TACC1: variants seen among roughly 807,000 people sequenced by gnomAD.
The protein encoded by TACC1 is transforming acidic coiled-coil-containing protein 1.
A neutral mutation model predicts 84.4 loss-of-function variants in TACC1; 48 were observed. The observed-to-expected ratio is 0.57, with a 90% CI of 0.45 to 0.72. The LOEUF (loss-of-function observed/expected upper bound fraction) is 0.72, where lower values mean the gene tolerates loss of function less well. TACC1 is among the 30% of genes least tolerant of loss of function. The pLI is 0.00. For missense variants in TACC1, 920 were observed against 973.0 expected (o/e 0.95, Z 0.72); for synonymous variants, 372 against 376.3 (o/e 0.99, Z 0.13).
intron 2 of TACC1, among the ~76,000 whole-genome samples, chr8:38,805,843 A>T (rs1365290819): frequency 1.3e-5 from 2 of 152,194 alleles, no homozygotes; most frequent in Non-Finnish European, 2.9e-5. Context: ...CTTACAGTCA[A>T]TTGCTTTTAT....
intron 11 of TACC1, among the ~76,000 whole-genome samples, chr8:38,845,679 T>G (rs115194300): frequency 0.01 from 1,543 of 152,350 alleles, 22 homozygotes; most frequent in African/African-American, 0.035. Context: ...CTCACTGTTA[T>G]GCCAGGTGGG....
intron 1 of TACC1, among the ~76,000 whole-genome samples, chr8:38,733,763 C>T (rs1436475118): frequency 1.3e-5 from 2 of 152,096 alleles, no homozygotes; most frequent in Admixed American, 1.3e-4. Context: ...GCTCCCCTTC[C>T]TTCCTCACCT....
chr8:38,792,619 C>T (rs1279912129), intron 2 of TACC1, among the ~76,000 whole-genome samples: 1 of 152,216 alleles, frequency 6.6e-6, no homozygotes, highest in Non-Finnish European at 1.5e-5. Context: ...GCGCCCACCA[C>T]TACGCCCAGC....
chr8:38,813,844 G>A (rs1015370681), intron 2 of TACC1, among the ~76,000 whole-genome samples: 2 of 152,078 alleles, frequency 1.3e-5, no homozygotes, highest in Non-Finnish European at 2.9e-5. Context: ...GAATACATTT[G>A]GTCTCGGCAG....
chr8:38,752,034 G>A (rs1809134843), intron 3 of TACC1, among the ~76,000 whole-genome samples: 1 of 152,198 alleles, frequency 6.6e-6, no homozygotes, highest in South Asian at 2.1e-4. Context: ...TCCAACAAAT[G>A]TTAGTGCCCA....
chr8:38,840,082 T>TAA, intron 8 of TACC1, 142 bp from the exon 9 acceptor site: 1 of 283,852 alleles, frequency 3.5e-6, no homozygotes, highest in Non-Finnish European at 6.5e-6. Flanking sequence ...AAAAAAAAGA[T>TAA]AACGAGAGCC....
intron 2 of TACC1, among the ~76,000 whole-genome samples, chr8:38,806,319 C>T: frequency 6.6e-6 from 1 of 152,170 alleles, no homozygotes; most frequent in East Asian, 1.9e-4. Context: ...CCCTGGAGCC[C>T]TTCCCTGGTT....
At chr8:38,844,968 A>T (rs1384919112) in intron 11 of TACC1, 1 of 152,116 alleles carries the variant, frequency 6.6e-6, no homozygotes, top group Non-Finnish European at 1.5e-5. Flanking sequence ...TCTGTCACCC[A>T]TGCTGTAGTG....
chr8:38,803,776 C>T (rs1821993553), intron 2 of TACC1, among the ~76,000 whole-genome samples: 1 of 152,160 alleles, frequency 6.6e-6, no homozygotes, highest in East Asian at 1.9e-4. Context: ...GTAATATTGG[C>T]ATGATGGAGT....
At position 38,846,790 on chromosome 8, in the gene TACC1, G is replaced by T. The variant is rs1424835330; in HGVS notation, c.2320G>T (p.Glu774Ter). 3 of 1,614,086 alleles carry T rather than the reference G, an allele frequency of 1.9e-6. No homozygotes were observed. ...ACTCCGCAAAGAGCAGATGAAGGTG[G>T]AGTCCCTGGAAAGGGCCCTGCAGCA... ...AGLRKEQMKV[E>*]SLERALQQKN... The change falls in exon 12 of 13, where the codon GAG becomes TAG. Residue 774 changes from glutamate to a stop codon, truncating the protein, a stop_gained. Transcript: ENST00000317827. LOFTEE classifies it high-confidence loss of function.
In TACC1 at chr8:38,820,177, G is replaced by A. The variant is rs755912675; in HGVS notation, c.933G>A (p.Glu311=). ...DTNDSGVELG[E]ESRSSPLKLE... ...ACGACTCAGGGGTTGAGCTGGGGGA[G>A]GAGTCGAGGAGCTCACCTCTCAAGC... Residue 311 remains glutamate, a synonymous_variant, in exon 3 of 13, where the codon GAG becomes GAA. Transcript: ENST00000317827. 3.1e-6 allele frequency: 5 copies of A among 1,614,118 alleles called. No individual in the cohort carries two copies. Among genetic ancestry groups the A allele is most frequent in the South Asian group, 1.1e-5 (1 of 91,088 alleles).
chr8:38,823,726 G>A (rs1827394762), intron 3 of TACC1, among the ~76,000 whole-genome samples: 1 of 152,192 alleles, frequency 6.6e-6, no homozygotes, highest in African/African-American at 2.4e-5. Flanking sequence ...AGACCTCTTG[G>A]AAGTTTATTT....
At chr8:38,740,575 G>A (rs1038213871) in intron 1 of TACC1, among the ~76,000 whole-genome samples, 1 of 152,142 alleles carries the variant, frequency 6.6e-6, no homozygotes, top group Non-Finnish European at 1.5e-5. Flanking sequence ...AGTTTGTGAT[G>A]ATGGGCAAAA....
chr8:38,759,864 C>G (rs1189923181), intron 3 of TACC1, among the ~76,000 whole-genome samples: 1 of 152,166 alleles, frequency 6.6e-6, no homozygotes, highest in Non-Finnish European at 1.5e-5. Context: ...CTGCCTTGTT[C>G]AGATGTACAA....
intron 3 of TACC1, among the ~76,000 whole-genome samples, chr8:38,776,932 AGGGGCCC>A (rs1481288885): frequency 1.3e-5 from 2 of 152,102 alleles, no homozygotes; most frequent in African/African-American, 4.8e-5. Flanking sequence ...GCTGTTACAA[AGGGGCCC>A]AGTGACACAG....
intron 1 of TACC1, among the ~76,000 whole-genome samples, chr8:38,733,994 A>G (rs1477210945): frequency 6.6e-6 from 1 of 152,108 alleles, no homozygotes; most frequent in East Asian, 1.9e-4. Flanking sequence ...GTTCTCATTC[A>G]TGGCCCATCA....
At chr8:38,831,311 C>A in intron 6 of TACC1, 134 bp downstream of exon 6, 1 of 879,842 alleles carries the variant, frequency 1.1e-6, no homozygotes, top group Non-Finnish European at 1.8e-6. Context: ...AGTTTCTTCA[C>A]TTGAGGAACA....
At chr8:38,752,663 A>G (rs551952423) in intron 3 of TACC1, among the ~76,000 whole-genome samples, 1 of 152,276 alleles carries the variant, frequency 6.6e-6, no homozygotes, top group African/African-American at 2.4e-5. Flanking sequence ...TCAGCAGCCC[A>G]CTGACCCAGA....
At chr8:38,768,728 CAT>C (rs1314422659) in intron 3 of TACC1, among the ~76,000 whole-genome samples, 3 of 150,740 alleles carry the variant, frequency 2.0e-5, no homozygotes, top group South Asian at 2.1e-4. Flanking sequence ...TGTGTGTCAC[CAT>C]ATATATATGT....
Sources: allele counts gnomAD v4.1 joint callset (sites outside exome capture counted in the v4.1 genomes callset), GRCh38; gene constraint gnomAD v4.1.1; transcripts MANE v1.5; gene names NCBI Gene and HGNC (gene_info 2026-07-23, HGNC 2026-07-21).